KCTD3: variants seen among roughly 807,000 people sequenced by gnomAD.
The protein encoded by KCTD3 is potassium channel tetramerization domain containing 3.
In KCTD3, 41 loss-of-function variants were observed where a neutral mutation model predicts 85.8. The observed-to-expected ratio is 0.48, with a 90% CI of 0.37 to 0.62. The LOEUF (loss-of-function observed/expected upper bound fraction) is 0.62. Ranked by LOEUF, KCTD3 falls within the 20% of genes least tolerant of loss-of-function variation. KCTD3 has a pLI of 0.00. For synonymous variants in KCTD3, 338 were observed against 345.4 expected (o/e 0.98, Z 0.24); for missense variants, 724 against 989.9 (o/e 0.73, Z 3.60).
chr1:215,599,209 A>G (rs1654732709), intron 10 of KCTD3, among the ~76,000 whole-genome samples: 1 of 152,172 alleles, frequency 6.6e-6, no homozygotes, highest in Non-Finnish European at 1.5e-5. Flanking sequence ...AGAATTTTTG[A>G]AAGGACTACT....
At position 215,579,975 on chromosome 1, in the gene KCTD3, A is replaced by G. The variant is rs781147924; in HGVS notation, c.602A>G (p.Tyr201Cys). ...CATCACAACTGGATTGTAGCTGCAT[A>G]TGCCCATTTTGCTGTGTGTTACAGG... ...AGHHNWIVAAYAHFAVCYRIK... is the reference protein window; with the variant it reads ...AGHHNWIVAACAHFAVCYRIK... Residue 201 changes from tyrosine to cysteine, a missense_variant, in exon 8 of 18, where the codon TAT becomes TGT. Physicochemically the swap from Tyr to Cys is radical, Grantham distance 194 (BLOSUM62 -2). This residue lies in a region of KCTD3 where 106 missense variants were observed against 98.2 expected (regional missense o/e 1.08). Transcript: ENST00000259154. 1.9e-6 allele frequency: 3 copies of G among 1,611,394 alleles called. No homozygotes were observed. The highest frequency in any genetic ancestry group is 2.2e-5 in the South Asian group (2 of 91,030).
rs58131515 is a variant in KCTD3, at chr1:215,617,366, C to T, written c.1563-1520C>T. Reference sequence around the variant, plus strand: ...CTTGTGATCAGCCTCTGAAGTGGGGCTCAGCTTTGTGAGACCGAGTCTTCT... The same window carrying T: ...CTTGTGATCAGCCTCTGAAGTGGGGTTCAGCTTTGTGAGACCGAGTCTTCT... On this transcript the variant is annotated intron_variant, in intron 15 of 17. Coordinates refer to ENST00000259154, the MANE Select transcript of KCTD3 (RefSeq NM_016121.5). Among the ~76,000 whole-genome samples, 630 of 152,230 alleles carry T rather than the reference C, an allele frequency of 4.1e-3. 5 individuals carry two copies. Among genetic ancestry groups the T allele is most frequent in the African/African-American group, 0.015 (607 of 41,538 alleles).
chr1:215,615,313 AG>A (rs1243482961), intron 15 of KCTD3, among the ~76,000 whole-genome samples: 10 of 152,146 alleles, frequency 6.6e-5, no homozygotes, highest in African/African-American at 2.4e-4. Context: ...TTTTAAATAA[AG>A]GAGTAGTTTT....
rs142503688 is a variant in KCTD3 at position 215,591,428 on chromosome 1, G to C, written c.818-3928G>C. On this transcript the variant is annotated intron_variant, in intron 9 of 17. Transcript: ENST00000259154. Reference sequence around the variant, plus strand: ...GCTGGAGTGCAGTGGCGTGATCATGGCTGACTGCAACCTCCGCCTCCCAGG... The same window carrying C: ...GCTGGAGTGCAGTGGCGTGATCATGCCTGACTGCAACCTCCGCCTCCCAGG... Among the ~76,000 whole-genome samples, 491 of 151,780 alleles carry C rather than the reference G, an allele frequency of 3.2e-3. 5 individuals carry two copies. Among genetic ancestry groups the C allele is most frequent in the African/African-American group, 0.011 (466 of 41,336 alleles).
At chr1:215,579,768 G>T in intron 7 of KCTD3, 141 bp from the exon 8 acceptor site, 1 of 610,452 alleles carries the variant, frequency 1.6e-6, no homozygotes, top group Admixed American at 2.6e-5. Context: ...AAAGTGCTGG[G>T]ATTACAGGTG....
intron 9 of KCTD3, among the ~76,000 whole-genome samples, chr1:215,588,577 G>A (rs887228326): frequency 2.0e-5 from 3 of 152,044 alleles, no homozygotes; most frequent in Non-Finnish European, 4.4e-5. Context: ...TGCATCATCA[G>A]TGTAAATGTC....
chr1:215,605,435 C>T (rs1337265539), intron 13 of KCTD3, among the ~76,000 whole-genome samples: 1 of 152,108 alleles, frequency 6.6e-6, no homozygotes, highest in East Asian at 1.9e-4. Context: ...GGTTCCTCAT[C>T]TTTTGCCCAG....
intron 1 of KCTD3, among the ~76,000 whole-genome samples, chr1:215,568,085 C>T (rs566401304): frequency 1.3e-5 from 2 of 152,180 alleles, no homozygotes; most frequent in Non-Finnish European, 2.9e-5. Context: ...GCCTTCCTTA[C>T]CTCATCTCAG....
At chr1:215,599,246 G>A (rs562600881) in intron 10 of KCTD3, among the ~76,000 whole-genome samples, 30 of 152,230 alleles carry the variant, frequency 2.0e-4, no homozygotes, top group African/African-American at 6.3e-4. Flanking sequence ...TGAGAAGAAC[G>A]TTATATTTGA....
chr1:215,616,931 G>T (rs1425530463), intron 15 of KCTD3, among the ~76,000 whole-genome samples: 2 of 152,212 alleles, frequency 1.3e-5, no homozygotes, highest in East Asian at 3.8e-4. Context: ...GACCAAGATG[G>T]GAGTAGAAGG....
At chr1:215,585,535 G>A (rs948343762) in intron 8 of KCTD3, among the ~76,000 whole-genome samples, 4 of 152,110 alleles carry the variant, frequency 2.6e-5, no homozygotes, top group Non-Finnish European at 5.9e-5. Context: ...GCAAAAGAAC[G>A]CTTCTTTTCC....
chr1:215,586,605 A>G lies in KCTD3; in HGVS notation c.737A>G (p.Lys246Arg). Residue 246 changes from lysine (K) to arginine (R), a missense_variant, in exon 9 of 18, where the codon AAA becomes AGA. This residue lies in a region of KCTD3 where 146 missense variants were observed against 320.3 expected (regional missense o/e 0.46). Transcript: ENST00000259154. ...AKVVGGPHGD[K>R]DKMVAVASES... ...GTGGTTGGAGGGCCACATGGAGACA[A>G]AGACAAAATGGTTGCTGTTGCCTCA... is the stretch of plus-strand genomic sequence containing the variant. The G allele has an allele frequency of 6.2e-7, 1 of 1,614,164 alleles. No homozygotes were observed. Among genetic ancestry groups the G allele is most frequent in the Non-Finnish European group, 8.5e-7 (1 of 1,180,030 alleles).
intron 8 of KCTD3, among the ~76,000 whole-genome samples, chr1:215,583,239 A>G (rs941777432): frequency 3.3e-5 from 5 of 152,148 alleles, no homozygotes; most frequent in Admixed American, 6.5e-5. Context: ...TTATTTCTTG[A>G]TTATATACTA....
At chr1:215,619,623 CAG>C (rs1655584796) in intron 17 of KCTD3, among the ~76,000 whole-genome samples, 1 of 152,134 alleles carries the variant, frequency 6.6e-6, no homozygotes, top group Non-Finnish European at 1.5e-5. Context: ...TGTCCTGTCT[CAG>C]GGACAATATT....
intron 8 of KCTD3, chr1:215,580,846 A>ATT: frequency 3.3e-6 from 1 of 299,804 alleles, no homozygotes; most frequent in South Asian, 2.7e-5. Flanking sequence ...TCCCAGATGT[A>ATT]TTTTTTTTTT....
intron 15 of KCTD3, among the ~76,000 whole-genome samples, chr1:215,617,721 G>C (rs1030584025): frequency 1.3e-5 from 2 of 150,346 alleles, no homozygotes; most frequent in African/African-American, 2.4e-5. Flanking sequence ...GGAACTGGGG[G>C]CTGCAGTGGA....
chr1:215,588,244 A>T (rs1014308747), intron 9 of KCTD3, among the ~76,000 whole-genome samples: 3 of 152,072 alleles, frequency 2.0e-5, no homozygotes, highest in African/African-American at 7.2e-5. Flanking sequence ...GCATTTGTGA[A>T]GGTGCTTTTC....
At chr1:215,619,844 C>T (rs1655595530) in intron 17 of KCTD3, among the ~76,000 whole-genome samples, 1 of 151,952 alleles carries the variant, frequency 6.6e-6, no homozygotes, top group South Asian at 2.1e-4. Context: ...TTCAGCATGT[C>T]TGTGAATATA....
chr1:215,585,737 T>G (rs1659982240), intron 8 of KCTD3, among the ~76,000 whole-genome samples: 1 of 152,180 alleles, frequency 6.6e-6, no homozygotes, highest in African/African-American at 2.4e-5. Context: ...CTTTAAAACC[T>G]AAATTCAGAT....
Sources: allele counts gnomAD v4.1 joint callset (sites outside exome capture counted in the v4.1 genomes callset), GRCh38; gene constraint gnomAD v4.1.1; regional missense constraint gnomAD v4.1.1; transcripts MANE v1.5; gene names NCBI Gene and HGNC (gene_info 2026-07-23, HGNC 2026-07-21).